The following NUTM2B variants were observed in gnomAD, a reference collection of about 807,000 sequenced individuals.
The protein encoded by NUTM2B is NUT family member 2B.
Under a neutral mutation model 42.4 loss-of-function variants are expected in NUTM2B, and 2 were observed. That is an observed-to-expected ratio of 0.05 (90% CI 0.02 to 0.15). NUTM2B has a LOEUF of 0.15. Ranked by LOEUF, NUTM2B falls within the 10% of genes least tolerant of loss-of-function variation. The pLI is 1.00. For missense variants in NUTM2B, 58 were observed against 952.6 expected (o/e 0.06, Z 12.36); for synonymous variants, 18 against 402.4 (o/e 0.04, Z 11.43).
At chr10:79,697,763 A>C in the NUTM2B span, among the ~76,000 whole-genome samples, 1 of 143,492 alleles carries the variant, frequency 7.0e-6, no homozygotes, top group Non-Finnish European at 1.5e-5. Context: ...CAAGGTATAC[A>C]ACACTTGTGT....
upstream of NUTM2B, among the ~76,000 whole-genome samples, chr10:79,700,440 C>A (rs560579806): frequency 2.6e-5 from 4 of 152,278 alleles, no homozygotes; most frequent in East Asian, 1.9e-4. Flanking sequence ...ACACCTCCCC[C>A]CTCACTTCAG....
At chr10:79,702,293 G>A (rs146100457), upstream of NUTM2B, among the ~76,000 whole-genome samples, 4,324 of 152,062 alleles carry the variant, frequency 0.028, 89 homozygotes, top group Non-Finnish European at 0.043. Flanking sequence ...GACAGTCACT[G>A]CATGGAGGTC....
chr10:79,709,626 T>C (rs1420735431), intron 3 of NUTM2B, among the ~76,000 whole-genome samples, 174 bp from the exon 4 acceptor site: 5 of 132,182 alleles, frequency 3.8e-5, no homozygotes, highest in Non-Finnish European at 6.4e-5. Context: ...TGAGGGAGGG[T>C]GAGCCCGGAA....
chr10:79,698,926 C>A (rs1405128617), upstream of NUTM2B, among the ~76,000 whole-genome samples: 2 of 152,198 alleles, frequency 1.3e-5, 1 homozygote, highest in Admixed American at 1.3e-4. Flanking sequence ...TCCACAATAC[C>A]TGCACATATG....
upstream of NUTM2B, among the ~76,000 whole-genome samples, chr10:79,700,144 A>G (rs1840286092): frequency 6.6e-6 from 1 of 152,218 alleles, no homozygotes; most frequent in Non-Finnish European, 1.5e-5. Context: ...CAAGCGAACA[A>G]ACTATGACTA....
At chr10:79,693,516 C>CA in the NUTM2B span, among the ~76,000 whole-genome samples, 1 of 152,180 alleles carries the variant, frequency 6.6e-6, no homozygotes, top group East Asian at 1.9e-4. Flanking sequence ...AAATATTGAG[C>CA]CCAGAACAAA....
upstream of NUTM2B, among the ~76,000 whole-genome samples, chr10:79,700,700 C>A (rs1355688260): frequency 2.0e-5 from 3 of 152,088 alleles, no homozygotes; most frequent in Non-Finnish European, 2.9e-5. Context: ...GGGTCACCGC[C>A]CTTTGCTCTC....
chr10:79,700,091 T>C (rs1298961951), upstream of NUTM2B, among the ~76,000 whole-genome samples: 3 of 152,204 alleles, frequency 2.0e-5, no homozygotes, highest in African/African-American at 7.2e-5. Context: ...AAGCTTTTCT[T>C]GACTTTGGCC....
chr10:79,705,029 A>G (rs1295600872), intron 1 of NUTM2B, among the ~76,000 whole-genome samples: 1 of 150,300 alleles, frequency 6.7e-6, no homozygotes, highest in Non-Finnish European at 1.5e-5. Context: ...ATGAGGTCCT[A>G]TTGAACAGGG....
upstream of NUTM2B, among the ~76,000 whole-genome samples, chr10:79,702,168 G>A (rs1840324565): frequency 6.6e-6 from 1 of 151,858 alleles, no homozygotes. Flanking sequence ...GATTTTGCTT[G>A]AATTGCTCTC....
upstream of NUTM2B, among the ~76,000 whole-genome samples, chr10:79,701,581 G>C (rs1408239224): frequency 6.6e-6 from 1 of 151,490 alleles, no homozygotes; most frequent in African/African-American, 2.4e-5. Flanking sequence ...TGCAGAGTCT[G>C]AGAGCTCTGC....
At chr10:79,697,025 A>G in the NUTM2B span, among the ~76,000 whole-genome samples, 2 of 116,400 alleles carry the variant, frequency 1.7e-5, no homozygotes, top group Non-Finnish European at 3.5e-5. Flanking sequence ...TTTGTGCAGC[A>G]AAGTCAAGAA....
intron 5 of NUTM2B, 146 bp downstream of exon 5, chr10:79,710,910 G>T: frequency 1.5e-6 from 2 of 1,312,728 alleles, no homozygotes; most frequent in Non-Finnish European, 2.0e-6. Context: ...GTGTGTGTCT[G>T]TGTGTTGCTG....
chr10:79,695,524 G>A, the NUTM2B span, among the ~76,000 whole-genome samples: 3 of 152,154 alleles, frequency 2.0e-5, no homozygotes, highest in Admixed American at 2.0e-4. Context: ...GTTCCCATGG[G>A]GACAGGTTGG....
intron 1 of NUTM2B, among the ~76,000 whole-genome samples, chr10:79,705,600 G>A (rs1249318105): frequency 1.3e-5 from 2 of 149,364 alleles, no homozygotes; most frequent in Admixed American, 6.7e-5. Context: ...AGGAGATGGG[G>A]CCATAATATT....
upstream of NUTM2B, among the ~76,000 whole-genome samples, chr10:79,699,587 C>A (rs1840276602): frequency 6.6e-6 from 1 of 152,234 alleles, no homozygotes; most frequent in Non-Finnish European, 1.5e-5. Flanking sequence ...GGACTACAGG[C>A]ATGCACCACC....
At chr10:79,694,195 C>G in the NUTM2B span, among the ~76,000 whole-genome samples, 4 of 152,186 alleles carry the variant, frequency 2.6e-5, no homozygotes, top group African/African-American at 7.2e-5. Context: ...GTTAGGAGTT[C>G]GAGACCAGCC....
chr10:79,709,741 G>A, intron 3 of NUTM2B, 59 bp from the exon 4 acceptor site: 1 of 512,962 alleles, frequency 1.9e-6, no homozygotes. Flanking sequence ...CCGCTGCCTG[G>A]TCCTGCGGGG....
chr10:79,701,567 C>G (rs1340369475), upstream of NUTM2B, among the ~76,000 whole-genome samples: 2 of 151,872 alleles, frequency 1.3e-5, no homozygotes, highest in Non-Finnish European at 2.9e-5. Flanking sequence ...CCCAGGGCCT[C>G]AAGTGCAGAG....
Sources: allele counts gnomAD v4.1 joint callset (sites outside exome capture counted in the v4.1 genomes callset), GRCh38; gene constraint gnomAD v4.1.1; transcripts MANE v1.5; gene names NCBI Gene and HGNC (gene_info 2026-07-23, HGNC 2026-07-21).